Variants in COL21A1 observed in about 807,000 individuals in gnomAD.
COL21A1 encodes the protein collagen type XXI alpha 1 chain, also known as collagen alpha-1(XXI) chain.
COL21A1 carries 149 observed loss-of-function variants against 137.9 expected under a neutral mutation model. The ratio of observed to expected loss-of-function variants is 1.08; its 90% confidence interval spans 0.95 to 1.24. COL21A1 has a LOEUF of 1.24. COL21A1 is among the 50% of genes most tolerant of loss of function. The pLI is 0.00. For missense variants in COL21A1, 1,167 were observed against 1,158.4 expected (o/e 1.01, Z -0.11); for synonymous variants, 456 against 391.5 (o/e 1.16, Z -1.95).
In COL21A1 at chr6:56,164,578, G is replaced by T; in HGVS notation, c.1288-72C>A. ...TAAGTACATGCACACGTATGTTTAT[G>T]CATTTATATATTTGTGTAAAATGGC... On this transcript the variant is annotated intron_variant, in intron 8 of 29. Coordinates refer to ENST00000244728, the MANE Select transcript of COL21A1 (RefSeq NM_030820.4). 2 of 1,133,772 alleles carry T rather than the reference G, an allele frequency of 1.8e-6. 1 individual carries two copies. Among genetic ancestry groups the T allele is most frequent in the African/African-American group, 3.1e-5 (2 of 64,308 alleles). The allele number at this position is 1,133,772 out of a possible 1,614,324, so 70.2% of individuals were successfully genotyped here.
At chr6:56,101,844 C>A (rs1770489908) in intron 16 of COL21A1, among the ~76,000 whole-genome samples, 1 of 152,044 alleles carries the variant, frequency 6.6e-6, no homozygotes, top group Non-Finnish European at 1.5e-5. Context: ...CTATATCAGT[C>A]CTATTCATAT....
At chr6:56,104,505 G>A (rs1028230750) in intron 16 of COL21A1, among the ~76,000 whole-genome samples, 3 of 152,110 alleles carry the variant, frequency 2.0e-5, no homozygotes, top group East Asian at 1.9e-4. Flanking sequence ...CAACCAGCCT[G>A]TGAAATTTAA....
At chr6:56,192,891 C>A (rs1317573686) in intron 1 of COL21A1, among the ~76,000 whole-genome samples, 1 of 152,144 alleles carries the variant, frequency 6.6e-6, no homozygotes, top group Non-Finnish European at 1.5e-5. Context: ...GCACTATTCA[C>A]AATGGCAAAG....
chr6:56,139,755 G>A (rs748480827), intron 12 of COL21A1, among the ~76,000 whole-genome samples: 3 of 152,058 alleles, frequency 2.0e-5, no homozygotes, highest in Non-Finnish European at 2.9e-5. Context: ...TTAGTTTTTC[G>A]ATGTTGGAGG....
At chr6:56,206,702 ATATAT>A in intron 1 of COL21A1, among the ~76,000 whole-genome samples, 1 of 13,032 alleles carries the variant, frequency 7.7e-5, no homozygotes, top group South Asian at 3.6e-3. Flanking sequence ...AAATAAATAT[ATATAT>A]ATATATATAT....
chr6:56,353,932 C>G (rs909267999), intron 1 of COL21A1, among the ~76,000 whole-genome samples: 11 of 151,902 alleles, frequency 7.2e-5, no homozygotes, highest in African/African-American at 2.7e-4. Flanking sequence ...ACACTCTACC[C>G]CATAGATATG....
At chr6:56,238,663 AC>A (rs1164860954) in intron 1 of COL21A1, among the ~76,000 whole-genome samples, 2 of 151,990 alleles carry the variant, frequency 1.3e-5, no homozygotes, top group Non-Finnish European at 2.9e-5. Context: ...CTGCCCTGCC[AC>A]CTTCAGCAGA....
At chr6:56,387,177 C>T (rs192831446) in intron 1 of COL21A1, among the ~76,000 whole-genome samples, 160 of 152,310 alleles carry the variant, frequency 1.1e-3, no homozygotes, top group South Asian at 2.3e-3. Flanking sequence ...ACAATTCAAT[C>T]TCATTATTTA....
chr6:56,294,381 A>G (rs1160679864), intron 1 of COL21A1, among the ~76,000 whole-genome samples: 2 of 152,116 alleles, frequency 1.3e-5, no homozygotes, highest in African/African-American at 4.8e-5. Context: ...ATATTTCTAC[A>G]ATGTATATTC....
intron 1 of COL21A1, among the ~76,000 whole-genome samples, chr6:56,333,732 CAGT>C (rs751847105): frequency 7.9e-5 from 12 of 152,116 alleles, no homozygotes; most frequent in Non-Finnish European, 1.8e-4. Context: ...ACTTTCCGAA[CAGT>C]AGCATATGAG....
intron 25 of COL21A1, 114 bp from the exon 26 acceptor site, chr6:56,061,151 G>A (rs1765768330): frequency 3.6e-6 from 3 of 834,466 alleles, no homozygotes; most frequent in Non-Finnish European, 5.3e-6. Flanking sequence ...AAATATGTAA[G>A]GTATGTAAGG....
In COL21A1 at chr6:56,057,824, T is replaced by C. The variant is rs1383892580; in HGVS notation, c.2707A>G (p.Ile903Val). Residue 903 changes from isoleucine to valine, a missense_variant, in exon 30 of 30, where the codon ATA (isoleucine) becomes GTA (valine). Ile to Val is a conservative substitution (Grantham distance 29, BLOSUM62 3). Coordinates refer to ENST00000244728, the MANE Select transcript of COL21A1 (RefSeq NM_030820.4). ...TCTCCTGGAGGACCTTCTTTGCTTA[T>C]TCCAGGAGGGCCCTCTGGACCTAAG... The part of the protein sequence containing the change: ...GPPGPEGPPG[I>V]SKEGPPGDPG... The C allele has an allele frequency of 2.5e-6, 4 of 1,572,300 alleles. No homozygotes were observed. The highest frequency in any genetic ancestry group is 1.7e-6 in the Non-Finnish European group (2 of 1,163,038).
intron 1 of COL21A1, among the ~76,000 whole-genome samples, chr6:56,391,038 G>A (rs1465356424): frequency 6.6e-6 from 1 of 152,122 alleles, no homozygotes. Flanking sequence ...CTCTGCTTAT[G>A]GAACATTCTC....
Position 56,347,517 on chromosome 6 carries a change from TAA to T in COL21A1, c.-39+46452_-39+46453del, listed in dbSNP as rs373385667. Among the ~76,000 whole-genome samples, 439 of 127,132 alleles carry T rather than the reference TAA, an allele frequency of 3.5e-3. 3 individuals are homozygous for T. The highest frequency in any genetic ancestry group is 0.012 in the African/African-American group (402 of 33,874). The allele number at this position is 127,132 out of a possible 152,430, so 83.4% of individuals were successfully genotyped here. On this transcript the variant is annotated intron_variant, in intron 1 of 28. Coordinates refer to the COL21A1 transcript ENST00000370819. ...ACATTAGAATCACCTAGGAAGCATT[TAA>T]AAAAAAAAAAAAAAAAAAGCAAAGC...
intron 7 of COL21A1, among the ~76,000 whole-genome samples, chr6:56,165,082 T>G (rs2152268176): frequency 6.6e-6 from 1 of 152,264 alleles, no homozygotes; most frequent in African/African-American, 2.4e-5. Flanking sequence ...CAGAGCTGCT[T>G]GATATAATAG....
intron 23 of COL21A1, among the ~76,000 whole-genome samples, chr6:56,065,208 T>C (rs1275067956): frequency 6.6e-6 from 1 of 152,092 alleles, no homozygotes; most frequent in African/African-American, 2.4e-5. Flanking sequence ...TCTGAAGCAC[T>C]ACTTCATCCT....
At chr6:56,342,590 C>A (rs1765494709) in intron 1 of COL21A1, among the ~76,000 whole-genome samples, 1 of 152,118 alleles carries the variant, frequency 6.6e-6, no homozygotes, top group Non-Finnish European at 1.5e-5. Context: ...ATTCTACCAT[C>A]GACTATATAT....
chr6:56,229,980 T>C (rs901848802), intron 1 of COL21A1, among the ~76,000 whole-genome samples: 3 of 151,862 alleles, frequency 2.0e-5, no homozygotes, highest in African/African-American at 7.2e-5. Flanking sequence ...AACTCAGTGG[T>C]CTATGACCAA....
At chr6:56,286,427 A>T (rs1763916181) in intron 1 of COL21A1, among the ~76,000 whole-genome samples, 1 of 152,186 alleles carries the variant, frequency 6.6e-6, no homozygotes, top group African/African-American at 2.4e-5. Context: ...ACAAATACCC[A>T]TGCATACACA....
Sources: allele counts gnomAD v4.1 joint callset (sites outside exome capture counted in the v4.1 genomes callset), GRCh38; gene constraint gnomAD v4.1.1; transcripts MANE v1.5; gene names NCBI Gene and HGNC (gene_info 2026-07-23, HGNC 2026-07-21).